Variants in NTM observed in about 807,000 individuals in gnomAD.
The protein encoded by NTM is IgLON family member 2.
In NTM, 13 loss-of-function variants were observed where a neutral mutation model predicts 42.1. The ratio of observed to expected loss-of-function variants is 0.31; its 90% CI spans 0.20 to 0.49. The LOEUF (loss-of-function observed/expected upper bound fraction) is 0.49. NTM is among the 20% of genes least tolerant of loss of function. The pLI is 0.99. For synonymous variants in NTM, 187 were observed against 179.2 expected, an observed-to-expected ratio of 1.04 and a Z score of -0.35; for missense variants, 373 against 452.8, an observed-to-expected ratio of 0.82 and a Z score of 1.60.
At chr11:131,900,878 C>A (rs542495) in intron 1 of NTM, among the ~76,000 whole-genome samples, 10,224 of 152,084 alleles carry the variant, frequency 0.067, 337 homozygotes, top group East Asian at 0.14. Context: ...TTTCTAATAC[C>A]CTTTTTAGTG....
At chr11:131,808,141 T>C (rs2092590362) in intron 1 of NTM, among the ~76,000 whole-genome samples, 1 of 152,200 alleles carries the variant, frequency 6.6e-6, no homozygotes, top group African/African-American at 2.4e-5. Context: ...ACTTTACTTA[T>C]CTTTGAAATG....
intron 2 of NTM, among the ~76,000 whole-genome samples, chr11:132,015,317 A>G (rs540037241): frequency 1.3e-5 from 2 of 152,062 alleles, no homozygotes; most frequent in Non-Finnish European, 2.9e-5. Context: ...TTTTGAGTCC[A>G]GTAGCGTAAT....
At chr11:131,797,746 A>G (rs1378883032) in intron 1 of NTM, among the ~76,000 whole-genome samples, 1 of 152,244 alleles carries the variant, frequency 6.6e-6, no homozygotes, top group Non-Finnish European at 1.5e-5. Flanking sequence ...TTACTTTAGT[A>G]TGTATCACTA....
intron 1 of NTM, among the ~76,000 whole-genome samples, chr11:131,558,719 G>C (rs1001318313): frequency 2.6e-5 from 4 of 152,142 alleles, no homozygotes; most frequent in Admixed American, 2.6e-4. Context: ...AATGTTATCG[G>C]AATAGCTACA....
At chr11:132,330,500 C>T (rs939954600) in intron 8 of NTM, among the ~76,000 whole-genome samples, 2 of 152,198 alleles carry the variant, frequency 1.3e-5, no homozygotes, top group African/African-American at 2.4e-5. Context: ...TCCTCACACA[C>T]GGATGCTCTA....
intron 7 of NTM, 21 bp from the exon 8 acceptor site, chr11:132,330,132 C>T: frequency 6.4e-7 from 1 of 1,551,626 alleles, no homozygotes. Context: ...TTAACAGTGG[C>T]TTGTTTTTAA....
chr11:132,102,547 CCTT>C (rs2061753708), intron 2 of NTM, among the ~76,000 whole-genome samples: 1 of 152,130 alleles, frequency 6.6e-6, no homozygotes. Flanking sequence ...GGAAAATATC[CCTT>C]CTTCTTATAA....
chr11:131,496,196 C>T (rs1187935699), intron 1 of NTM, among the ~76,000 whole-genome samples: 1 of 152,210 alleles, frequency 6.6e-6, no homozygotes, highest in Admixed American at 6.5e-5. Context: ...TTTTAGGGTT[C>T]TTTCCAGTTC....
At chr11:131,807,953 G>C (rs906788733) in intron 1 of NTM, among the ~76,000 whole-genome samples, 2 of 152,186 alleles carry the variant, frequency 1.3e-5, no homozygotes, top group Non-Finnish European at 2.9e-5. Flanking sequence ...TTGGCAGAAG[G>C]TTTGGGAAAC....
At chr11:131,818,081 T>G (rs1338093914) in intron 1 of NTM, among the ~76,000 whole-genome samples, 4 of 152,170 alleles carry the variant, frequency 2.6e-5, no homozygotes, top group African/African-American at 9.7e-5. Flanking sequence ...CACCCACCAG[T>G]CATCAACTAA....
chr11:131,739,750 C>T (rs1591529930), intron 1 of NTM, among the ~76,000 whole-genome samples: 1 of 152,202 alleles, frequency 6.6e-6, no homozygotes, highest in African/African-American at 2.4e-5. Flanking sequence ...AGGGACATTC[C>T]AGTGTCACAC....
In NTM at chr11:131,500,573, ATATATTTTTTTTT is replaced by A. The variant is rs562002968; in HGVS notation, c.82+129687_82+129699del. On this transcript the variant is annotated intron_variant, in intron 1 of 8. Coordinates refer to ENST00000683400, the MANE Select transcript of NTM (RefSeq NM_001352005.2). ...TATATATATATATATATATATATAT[ATATATTTTTTTTT>A]TTTTTTTTTGTATTATACTTTAAGT... 5.6e-3 allele frequency among the ~76,000 whole-genome samples: 221 copies of A among 39,758 alleles called. 2 individuals carry two copies. The highest frequency in any genetic ancestry group is 0.012 in the African/African-American group (146 of 12,534). The allele number at this position is 39,758 out of a possible 152,430, so 26.1% of individuals were successfully genotyped here.
At chr11:131,829,799 A>C (rs2042584751) in intron 1 of NTM, among the ~76,000 whole-genome samples, 1 of 152,150 alleles carries the variant, frequency 6.6e-6, no homozygotes, top group Non-Finnish European at 1.5e-5. Context: ...TTCTCATCAT[A>C]GTGTATAAGC....
intron 2 of NTM, among the ~76,000 whole-genome samples, chr11:132,053,457 C>G (rs1246399215): frequency 6.6e-6 from 1 of 152,148 alleles, no homozygotes; most frequent in Non-Finnish European, 1.5e-5. Context: ...AGCATCTAGT[C>G]ACCAAACAAA....
chr11:132,307,991 T>C (rs1035531929), intron 5 of NTM, among the ~76,000 whole-genome samples, 168 bp downstream of exon 5: 3 of 152,196 alleles, frequency 2.0e-5, no homozygotes, highest in African/African-American at 7.2e-5. Flanking sequence ...ACTCGAGTTT[T>C]TGACACTTCA....
chr11:131,912,805 C>T (rs56342023), intron 2 of NTM, among the ~76,000 whole-genome samples: 16,242 of 152,214 alleles, frequency 0.11, 947 homozygotes, highest in Middle Eastern at 0.15. Context: ...CCTCTGATGA[C>T]TTCTTCTAGG....
chr11:131,505,675 C>T (rs1042323721), intron 1 of NTM, among the ~76,000 whole-genome samples: 1 of 152,134 alleles, frequency 6.6e-6, no homozygotes, highest in African/African-American at 2.4e-5. Context: ...AATCAGTGTT[C>T]ACACTCACGC....
intron 4 of NTM, among the ~76,000 whole-genome samples, chr11:132,250,749 A>C (rs1011281290): frequency 6.6e-6 from 1 of 151,768 alleles, no homozygotes; most frequent in Non-Finnish European, 1.5e-5. Context: ...GTTACCTTTA[A>C]TAGGTTTATT....
chr11:132,317,201 C>G (rs559576001), intron 7 of NTM, among the ~76,000 whole-genome samples: 1 of 152,308 alleles, frequency 6.6e-6, no homozygotes, highest in East Asian at 1.9e-4. Context: ...CTCCCGCACT[C>G]CTGAATCACA....
Sources: allele counts gnomAD v4.1 joint callset (sites outside exome capture counted in the v4.1 genomes callset), GRCh38; gene constraint gnomAD v4.1.1; transcripts MANE v1.5; gene names NCBI Gene and HGNC (gene_info 2026-07-23, HGNC 2026-07-21).